Variants in CLIP4 observed in about 807,000 individuals in gnomAD.
The protein encoded by CLIP4 is CAP-Gly domain containing linker protein family member 4.
In CLIP4, 47 loss-of-function variants were observed where a neutral mutation model predicts 73.1. The observed-to-expected ratio is 0.64, with a 90% CI of 0.51 to 0.82. The LOEUF is 0.82. CLIP4 is among the 40% of genes least tolerant of loss of function. CLIP4 has a pLI of 0.00. For synonymous variants in CLIP4, 306 were observed against 295.4 expected (o/e 1.04, Z -0.37); for missense variants, 874 against 852.9 (o/e 1.02, Z -0.31).
intron 1 of CLIP4, among the ~76,000 whole-genome samples, chr2:29,105,980 A>G (rs1668192745): frequency 6.6e-6 from 1 of 152,110 alleles, no homozygotes; most frequent in Non-Finnish European, 1.5e-5. Context: ...TTCGATTACC[A>G]TCATCTAAAT....
Position 29,156,437 on chromosome 2 carries a change from A to G in CLIP4, c.1249A>G (p.Lys417Glu), listed in dbSNP as rs774914810. Residue 417 changes from lysine to glutamate, a missense_variant, in exon 10 of 16, where the codon AAA (lysine) becomes GAA (glutamate). By Grantham distance (56) the Lys-to-Glu change is moderately conservative. Transcript: ENST00000320081. ...TGAAGAACTTAAAACTGTGACAGAGAAAGATGGTAATATACCTTGTAACCT... is the reference window on the plus strand; with the variant it reads ...TGAAGAACTTAAAACTGTGACAGAGGAAGATGGTAATATACCTTGTAACCT... ...PGEELKTVTEKDVALLGSVSS... is the reference protein window; with the variant it reads ...PGEELKTVTEEDVALLGSVSS... 1.3e-6 allele frequency: 2 copies of G among 1,569,868 alleles called. No individual in the cohort carries two copies. The highest frequency in any genetic ancestry group is 2.3e-5 in the East Asian group (1 of 42,946).
upstream of CLIP4, chr2:29,114,339 T>TCA (rs1668465427): frequency 5.3e-5 from 8 of 152,206 alleles, no homozygotes; most frequent in Admixed American, 5.2e-4. Context: ...CCAGGTCATA[T>TCA]CAGGAGTAGC....
At chr2:29,125,411 T>A (rs2148472284) in intron 2 of CLIP4, among the ~76,000 whole-genome samples, 1 of 152,322 alleles carries the variant, frequency 6.6e-6, no homozygotes, top group African/African-American at 2.4e-5. Context: ...TCTCTGGGTT[T>A]CTCTTGGAGT....
intron 5 of CLIP4, among the ~76,000 whole-genome samples, chr2:29,134,057 C>T (rs1665174933): frequency 6.6e-6 from 1 of 152,032 alleles, no homozygotes. Flanking sequence ...TTTCATATCT[C>T]TATAAGTTCT....
At chr2:29,170,343 A>T (rs1026016850) in intron 14 of CLIP4, among the ~76,000 whole-genome samples, 1 of 152,200 alleles carries the variant, frequency 6.6e-6, no homozygotes, top group African/African-American at 2.4e-5. Flanking sequence ...CTGTTTTTCC[A>T]TGATGGCTGT....
Position 29,183,622 on chromosome 2 carries a change from T to G in CLIP4, c.*1729T>G, listed in dbSNP as rs1668744268. 1 of 152,672 alleles carries G rather than the reference T, an allele frequency of 6.5e-6. No individual in the cohort carries two copies. The highest frequency in any genetic ancestry group is 6.5e-5 in the Admixed American group (1 of 15,288). The allele number at this position is 152,672 out of a possible 1,614,324, so 9.5% of individuals were successfully genotyped here. ...AACAGTAATGCCAACATTGAATTTA[T>G]TTTTGAGGTCAAAGAACCAGTTGTT... On this transcript the variant is annotated 3_prime_UTR_variant, in exon 16 of 16. Transcript: ENST00000320081.
rs140159738 is a variant in CLIP4, at chr2:29,144,303, T to A, written c.885+358T>A. 5.9e-3 allele frequency among the ~76,000 whole-genome samples: 901 copies of A among 152,194 alleles called. 9 individuals carry two copies. The highest frequency in any genetic ancestry group is 0.02 in the African/African-American group (850 of 41,542). On this transcript the variant is annotated intron_variant, in intron 7 of 15. Coordinates refer to ENST00000320081, the MANE Select transcript of CLIP4 (RefSeq NM_024692.6). ...TCTGACTGCTGCTCCTCCATAGAAATGGAGCACAGGAGACCCTTGCTGTTC... is the reference window on the plus strand; with the variant it reads ...TCTGACTGCTGCTCCTCCATAGAAAAGGAGCACAGGAGACCCTTGCTGTTC...
At chr2:29,167,112 G>T (rs145741588) in intron 13 of CLIP4, among the ~76,000 whole-genome samples, 2 of 152,226 alleles carry the variant, frequency 1.3e-5, no homozygotes, top group Non-Finnish European at 2.9e-5. Flanking sequence ...TTCAGCTTAA[G>T]AATTAGTGCC....
Position 29,157,271 on chromosome 2 carries a change from C to G in CLIP4, c.1323C>G (p.Pro441=), listed in dbSNP as rs781188351. ...TSSLEHRQSY[P]KKQNAISSNK... is the part of the protein sequence containing the mutation. ...CTTTGGAACACAGACAGAGCTACCC[C>G]AAGAAACAGAATGCAATCAGCAGTA... The change falls in exon 11 of 16, where the codon CCC becomes CCG. Residue 441 remains proline (P), a synonymous_variant. Coordinates refer to ENST00000320081, the MANE Select transcript of CLIP4 (RefSeq NM_024692.6). The G allele has an allele frequency of 2.3e-5, 37 of 1,613,974 alleles. No homozygotes were observed. The Admixed American group carries it at 5.8e-4, about 25-fold the overall frequency.
chr2:29,179,239 T>G (rs1017882802), intron 15 of CLIP4, among the ~76,000 whole-genome samples: 6 of 152,262 alleles, frequency 3.9e-5, no homozygotes, highest in African/African-American at 7.2e-5. Context: ...CTTTGAAGTT[T>G]TACTTTTTAA....
chr2:29,131,114 T>C, intron 2 of CLIP4, 144 bp from the exon 3 acceptor site: 1 of 862,834 alleles, frequency 1.2e-6, no homozygotes. Context: ...ATGTTCATAA[T>C]ATTTTCCTTA....
At chr2:29,157,426 A>G in intron 11 of CLIP4, 79 bp downstream of exon 11, 1 of 1,610,642 alleles carries the variant, frequency 6.2e-7, no homozygotes. Context: ...CTCTTTTTAA[A>G]TGTGTAGAAG....
At chr2:29,107,373 T>TTTG (rs1668251377) in intron 1 of CLIP4, among the ~76,000 whole-genome samples, 2 of 126,792 alleles carry the variant, frequency 1.6e-5, no homozygotes, top group South Asian at 2.9e-4. Flanking sequence ...TTTTTTTTTT[T>TTTG]TTTTTTTTTT....
intron 2 of CLIP4, chr2:29,130,057 G>A (rs1204872664): frequency 2.1e-6 from 1 of 470,880 alleles, no homozygotes. Flanking sequence ...AGAAGTTTCA[G>A]CAAAGGTTGT....
At position 29,143,881 on chromosome 2, in the gene CLIP4, G is replaced by T. The variant is rs778362993; in HGVS notation, c.821G>T (p.Gly274Val). ...AMLPNYDHVT[G>V]KAMLTSLGLK... The stretch of plus-strand genomic sequence containing the variant: ...CTCCCAAATTATGATCATGTCACTG[G>T]CAAGGCAATGCTTACGTCACTTGGC... The change falls in exon 7 of 16, where the codon GGC becomes GTC. Residue 274 changes from glycine to valine, a missense_variant. Physicochemically the swap from Gly to Val is moderately radical, Grantham distance 109 (BLOSUM62 -3). Transcript: ENST00000320081. 3 of 1,614,020 alleles carry T rather than the reference G, an allele frequency of 1.9e-6. No individual in the cohort carries two copies. The highest frequency in any genetic ancestry group is 2.5e-6 in the Non-Finnish European group (3 of 1,180,018).
At chr2:29,131,436 A>AT (rs749848482) in intron 3 of CLIP4, 39 bp downstream of exon 3, 23 of 1,564,590 alleles carry the variant, frequency 1.5e-5, no homozygotes, top group Non-Finnish European at 3.4e-6. Flanking sequence ...CATTGTTAGG[A>AT]TTGTTAATGG....
At chr2:29,147,000 T>A (rs1001487428) in intron 8 of CLIP4, among the ~76,000 whole-genome samples, 1 of 152,188 alleles carries the variant, frequency 6.6e-6, no homozygotes, top group Non-Finnish European at 1.5e-5. Context: ...CTTTTTTTGT[T>A]TGTTTATAAA....
chr2:29,108,205 AAG>A (rs1668286175), intron 1 of CLIP4, among the ~76,000 whole-genome samples: 1 of 152,340 alleles, frequency 6.6e-6, no homozygotes, highest in East Asian at 1.9e-4. Context: ...TAGGCACAGT[AAG>A]AGATTAATAA....
At chr2:29,147,079 GT>G (rs1432722043) in intron 8 of CLIP4, among the ~76,000 whole-genome samples, 1 of 152,106 alleles carries the variant, frequency 6.6e-6, no homozygotes, top group Non-Finnish European at 1.5e-5. Flanking sequence ...TAATATCCTA[GT>G]GTAATTTCCC....
Sources: gnomAD v4.1 joint callset for allele counts (sites outside exome capture counted in the v4.1 genomes callset) on GRCh38, gnomAD v4.1.1 for gene constraint, MANE v1.5 for transcripts, NCBI Gene and HGNC (gene_info 2026-07-23, HGNC 2026-07-21) for gene names.